IFNAR2: variants seen among roughly 807,000 people sequenced by gnomAD.
The protein encoded by IFNAR2 is interferon alpha and beta receptor subunit 2.
IFNAR2 carries 30 observed loss-of-function variants against 49.4 expected under a neutral mutation model. The observed-to-expected ratio is 0.61, with a 90% CI of 0.45 to 0.82. The LOEUF (loss-of-function observed/expected upper bound fraction) is 0.82. Ranked by LOEUF, IFNAR2 falls within the 40% of genes least tolerant of loss-of-function variation. IFNAR2 has a pLI of 0.00. For synonymous variants in IFNAR2, 224 were observed against 234.5 expected (o/e 0.96, Z 0.41); for missense variants, 600 against 622.7 (o/e 0.96, Z 0.39).
In IFNAR2 at chr21:33,251,868, C is replaced by T. The variant is rs538730126; in HGVS notation, c.541-794C>T. Reference sequence around the variant, plus strand: ...AAGGCCAAGGCAGGCAGATCGCTTGCGGTCAGGAGTTCAAGACCAGCGTGG... The same window carrying T: ...AAGGCCAAGGCAGGCAGATCGCTTGTGGTCAGGAGTTCAAGACCAGCGTGG... On this transcript the variant is annotated intron_variant, in intron 6 of 8. Coordinates refer to ENST00000342136, the MANE Select transcript of IFNAR2 (RefSeq NM_001289125.3). 32 of 641,212 alleles carry T rather than the reference C, an allele frequency of 5.0e-5. No individual in the cohort carries two copies. In the South Asian group the frequency reaches 1.3e-3, roughly 26 times the overall value. 39.7% of individuals were successfully genotyped at this position (641,212 alleles called of 1,614,324 possible).
At chr21:33,245,532 C>T (rs1987333925) in intron 4 of IFNAR2, among the ~76,000 whole-genome samples, 1 of 152,378 alleles carries the variant, frequency 6.6e-6, no homozygotes, top group African/African-American at 2.4e-5. Context: ...CTGGGACAGG[C>T]CTGGGTCCAT....
chr21:33,233,093 T>C (rs1460220287), intron 1 of IFNAR2: 3 of 263,130 alleles, frequency 1.1e-5, no homozygotes, highest in Non-Finnish European at 1.8e-5. Flanking sequence ...GAGAAAATTG[T>C]AAACTGGAGA....
intron 1 of IFNAR2, chr21:33,236,869 A>G: frequency 1.0e-6 from 1 of 985,342 alleles, no homozygotes; most frequent in African/African-American, 1.7e-5. Context: ...AGCCCTGTTG[A>G]CAGGAGCCAT....
chr21:33,257,845 C>T (rs1196432019), intron 7 of IFNAR2, among the ~76,000 whole-genome samples: 3 of 152,134 alleles, frequency 2.0e-5, no homozygotes, highest in African/African-American at 7.2e-5. Flanking sequence ...CCCACAGCAT[C>T]CACCACAGAT....
intron 7 of IFNAR2, 103 bp from the exon 8 acceptor site, chr21:33,260,494 G>T: frequency 1.6e-5 from 18 of 1,115,494 alleles, no homozygotes; most frequent in South Asian, 6.5e-5. Context: ...CAAACCTTTG[G>T]TTTCTTGATC....
intron 7 of IFNAR2, among the ~76,000 whole-genome samples, chr21:33,256,841 G>C (rs1988238876): frequency 6.6e-6 from 1 of 152,148 alleles, no homozygotes; most frequent in Non-Finnish European, 1.5e-5. Flanking sequence ...ATGTAAAATA[G>C]ACAGTATGTT....
At chr21:33,258,219 C>A (rs1988342016) in intron 7 of IFNAR2, among the ~76,000 whole-genome samples, 2 of 152,142 alleles carry the variant, frequency 1.3e-5, no homozygotes, top group Non-Finnish European at 2.9e-5. Context: ...GCAGGAGAAT[C>A]TCTTGAACCC....
intron 7 of IFNAR2, among the ~76,000 whole-genome samples, chr21:33,260,232 T>C (rs556338379): frequency 4.6e-4 from 70 of 152,350 alleles, no homozygotes; most frequent in African/African-American, 1.6e-3. Context: ...CAGCGCATGC[T>C]AACCAGTGTG....
chr21:33,261,443 A>G (rs1034494368), intron 8 of IFNAR2, among the ~76,000 whole-genome samples: 17 of 152,206 alleles, frequency 1.1e-4, no homozygotes, highest in Middle Eastern at 3.2e-3. Context: ...TTTCTCAGCT[A>G]AAGGGCATTT....
chr21:33,246,549 G>T (rs772975118), intron 4 of IFNAR2, among the ~76,000 whole-genome samples, 169 bp from the exon 5 acceptor site: 2 of 152,184 alleles, frequency 1.3e-5, no homozygotes, highest in Admixed American at 6.5e-5. Context: ...GTGCAGGGGT[G>T]GGGAGGGCAT....
intron 6 of IFNAR2, chr21:33,252,081 CATCT>C (rs61192253): frequency 0.3 from 114,647 of 379,234 alleles, 17,506 homozygotes; most frequent in Non-Finnish European, 0.33. Flanking sequence ...AGACCCCATC[CATCT>C]ATCTATCTAT....
intron 5 of IFNAR2, among the ~76,000 whole-genome samples, chr21:33,247,246 C>CTTTTTTTTT (rs71194830): frequency 3.0e-4 from 30 of 101,258 alleles, no homozygotes; most frequent in Non-Finnish European, 4.9e-4. Flanking sequence ...TTCTTTCTTT[C>CTTTTTTTTT]TTTCTTTCTT....
At chr21:33,246,671 T>C in intron 4 of IFNAR2, 47 bp from the exon 5 acceptor site, 1 of 1,505,808 alleles carries the variant, frequency 6.6e-7, no homozygotes, top group Non-Finnish European at 9.1e-7. Context: ...AGACTCTCAT[T>C]ACATCAATGC....
chr21:33,245,158 C>T (rs1446541924), intron 4 of IFNAR2, 84 bp downstream of exon 4: 34 of 992,682 alleles, frequency 3.4e-5, no homozygotes, highest in Non-Finnish European at 5.3e-5. Context: ...CTCTCTCTGT[C>T]TCTCCCTCTC....
intron 6 of IFNAR2, among the ~76,000 whole-genome samples, chr21:33,249,727 C>T (rs766255923): frequency 3.3e-5 from 5 of 152,152 alleles, no homozygotes; most frequent in Non-Finnish European, 7.3e-5. Context: ...CAGCTTATGT[C>T]TGTAGAGCCC....
chr21:33,243,739 T>G, intron 3 of IFNAR2, 25 bp downstream of exon 3: 2 of 1,561,888 alleles, frequency 1.3e-6, no homozygotes, highest in Non-Finnish European at 1.8e-6. Flanking sequence ...TTGGCTTCAC[T>G]AAATTTTGTA....
chr21:33,229,999 G>GCGGGTAGGAATCCCGC lies in IFNAR2; in HGVS notation c.-297_-282dup, dbSNP rs1244708819. ...CCCGCACTAAAGACGCTTCTTCCCGGCGGGTAGGAATCCCGCCGGCGAGCC... is the reference window on the plus strand; with the variant it reads ...CCCGCACTAAAGACGCTTCTTCCCGGCGGGTAGGAATCCCGCCGGGTAGGAATCCCGCCGGCGAGCC... On this transcript the variant is annotated 5_prime_UTR_variant, in exon 1 of 9. Coordinates refer to ENST00000342136, the MANE Select transcript of IFNAR2 (RefSeq NM_001289125.3). 1 of 984,556 alleles carries GCGGGTAGGAATCCCGC rather than the reference G, an allele frequency of 1.0e-6. No homozygotes were observed. Among genetic ancestry groups the GCGGGTAGGAATCCCGC allele is most frequent in the Non-Finnish European group, 1.2e-6 (1 of 829,710 alleles). 61.0% of individuals were successfully genotyped at this position (984,556 alleles called of 1,614,324 possible).
At chr21:33,249,070 C>G (rs956089275) in intron 6 of IFNAR2, among the ~76,000 whole-genome samples, 1 of 152,106 alleles carries the variant, frequency 6.6e-6, no homozygotes, top group Non-Finnish European at 1.5e-5. Context: ...ACGGCTGGGC[C>G]TGGTGGCTCA....
At chr21:33,257,590 T>C (rs1181291600) in intron 7 of IFNAR2, among the ~76,000 whole-genome samples, 1 of 151,128 alleles carries the variant, frequency 6.6e-6, no homozygotes, top group Non-Finnish European at 1.5e-5. Context: ...TGCTGATTGG[T>C]GCGTTTTACA....
Sources: gnomAD v4.1 joint callset for allele counts (sites outside exome capture counted in the v4.1 genomes callset) on GRCh38, gnomAD v4.1.1 for gene constraint, MANE v1.5 for transcripts, NCBI Gene and HGNC (gene_info 2026-07-23, HGNC 2026-07-21) for gene names.